ARFGEF2: variants seen among roughly 807,000 people sequenced by gnomAD.
The protein encoded by ARFGEF2 is brefeldin A-inhibited guanine nucleotide-exchange protein 2.
Under a neutral mutation model 219.9 loss-of-function variants are expected in ARFGEF2, and 74 were observed. That is an observed-to-expected ratio of 0.34 (90% CI 0.28 to 0.41). The LOEUF (loss-of-function observed/expected upper bound fraction) is 0.41, where lower values mean the gene tolerates loss of function less well. ARFGEF2 is among the 10% of genes least tolerant of loss of function. The probability of loss-of-function intolerance (pLI) is 1.00; values close to 1 mark genes in which losing one functional copy is unlikely to be tolerated. For missense variants in ARFGEF2, 1,743 were observed against 2,218.3 expected (o/e 0.79, Z 4.30); for synonymous variants, 733 against 799.2 (o/e 0.92, Z 1.40).
Position 49,010,373 on chromosome 20 carries a change from G to T in ARFGEF2, c.3726G>T (p.Glu1242Asp), listed in dbSNP as rs1396061818. 1 of 1,614,094 alleles carries T rather than the reference G, an allele frequency of 6.2e-7. No individual in the cohort carries two copies. Among genetic ancestry groups the T allele is most frequent in the Non-Finnish European group, 8.5e-7 (1 of 1,180,034 alleles). The change falls in exon 27 of 39, where the codon GAG (glutamate) becomes GAT (aspartate). Residue 1242 changes from glutamate (E) to aspartate (D), a missense_variant. By Grantham distance (45) the Glu-to-Asp change is conservative. Transcript: ENST00000371917. ...AASDHDGNIV[E>D]LAFQTTCHIV... ...CTGATCATGATGGGAACATTGTGGA[G>T]CTGGCCTTCCAGACCACTTGCCACA...
chr20:49,015,832 T>C (rs932483571), intron 30 of ARFGEF2, among the ~76,000 whole-genome samples: 5 of 152,248 alleles, frequency 3.3e-5, no homozygotes, highest in Non-Finnish European at 7.3e-5. Flanking sequence ...TCTCATAGGA[T>C]TGATCATTCT....
intron 6 of ARFGEF2, among the ~76,000 whole-genome samples, chr20:48,959,427 T>TCCATCCCTCCCTG (rs1568705249): frequency 7.9e-4 from 20 of 25,220 alleles, no homozygotes; most frequent in East Asian, 3.0e-3. Flanking sequence ...CTCCCTCCCT[T>TCCATCCCTCCCTG]CTTCCTTCCC....
chr20:48,972,888 C>G (rs893678311), intron 11 of ARFGEF2, among the ~76,000 whole-genome samples: 1 of 152,148 alleles, frequency 6.6e-6, no homozygotes, highest in Non-Finnish European at 1.5e-5. Context: ...CAATTGTTAA[C>G]CCCTTCCTTG....
At chr20:49,003,490 AGCTACTCAGGAGG>A (rs994909063) in intron 25 of ARFGEF2, among the ~76,000 whole-genome samples, 1 of 151,762 alleles carries the variant, frequency 6.6e-6, no homozygotes, top group Admixed American at 6.6e-5. Flanking sequence ...CTGTAATCCT[AGCTACTCAGGAGG>A]TTGAGGCAGG....
intron 26 of ARFGEF2, among the ~76,000 whole-genome samples, chr20:49,005,566 G>A (rs1253706456): frequency 6.6e-6 from 1 of 151,570 alleles, no homozygotes; most frequent in Non-Finnish European, 1.5e-5. Context: ...GTGAAACCCC[G>A]TCTTTACTAA....
At chr20:48,928,289 C>A (rs1319502036) in intron 1 of ARFGEF2, among the ~76,000 whole-genome samples, 7 of 143,410 alleles carry the variant, frequency 4.9e-5, no homozygotes, top group African/African-American at 1.8e-4. Flanking sequence ...AGCTCCGCCT[C>A]CCGGGTTCAC....
intron 7 of ARFGEF2, 111 bp from the exon 8 acceptor site, chr20:48,965,761 G>T: frequency 2.3e-6 from 3 of 1,327,286 alleles, no homozygotes; most frequent in South Asian, 2.4e-5. Flanking sequence ...ACAGGAAAAG[G>T]GGAAAAAGCA....
At chr20:48,959,941 A>G (rs2091135224) in intron 6 of ARFGEF2, among the ~76,000 whole-genome samples, 1 of 152,150 alleles carries the variant, frequency 6.6e-6, no homozygotes, top group Admixed American at 6.5e-5. Context: ...TTTAATATGC[A>G]TTCAGAAAAT....
chr20:49,019,400 A>G (rs1259252054), intron 34 of ARFGEF2, among the ~76,000 whole-genome samples: 2 of 152,242 alleles, frequency 1.3e-5, no homozygotes, highest in Admixed American at 1.3e-4. Context: ...ATTCAAAATC[A>G]GTACATAAGG....
chr20:49,026,034 C>A (rs1028339872), intron 36 of ARFGEF2, among the ~76,000 whole-genome samples: 20 of 149,604 alleles, frequency 1.3e-4, no homozygotes, highest in African/African-American at 4.9e-4. Flanking sequence ...ATTGATCTAG[C>A]AAGTCAAAAC....
Position 49,035,818 on chromosome 20 carries a change from A to G in ARFGEF2, c.*2619A>G, listed in dbSNP as rs1281026202. 2 of 198,276 alleles carry G rather than the reference A, an allele frequency of 1.0e-5. No individual in the cohort carries two copies. The highest frequency in any genetic ancestry group is 2.0e-5 in the Non-Finnish European group (2 of 98,778). 12.3% of individuals were successfully genotyped at this position (198,276 alleles called of 1,614,324 possible). A position where few individuals can be genotyped will look rare whatever the true frequency, so the allele number is the denominator to read the frequency against. ...TGTTAGGGAAATCACCAGCTTTGGCATCTTAACAACAAACAGTGGATGGGT... is the reference window on the plus strand; with the variant it reads ...TGTTAGGGAAATCACCAGCTTTGGCGTCTTAACAACAAACAGTGGATGGGT... On this transcript the variant is annotated 3_prime_UTR_variant, in exon 39 of 39. Transcript: ENST00000371917.
intron 25 of ARFGEF2, among the ~76,000 whole-genome samples, chr20:49,004,756 C>T (rs182804143): frequency 8.1e-4 from 123 of 152,244 alleles, no homozygotes; most frequent in African/African-American, 2.8e-3. Context: ...CACACCACTG[C>T]ACTCCAGTCT....
Position 49,018,966 on chromosome 20 carries a change from C to A in ARFGEF2, c.4592C>A (p.Thr1531Lys). 2 of 1,614,012 alleles carry A rather than the reference C, an allele frequency of 1.2e-6. No homozygotes were observed. Among genetic ancestry groups the A allele is most frequent in the Non-Finnish European group, 1.7e-6 (2 of 1,179,906 alleles). ...GGACAGAGCCAGCTCTCTAACCCAA[C>A]AGATGACAGCTGGAAGGGTAGACCA... is the stretch of plus-strand genomic sequence containing the variant. ...ERGQSQLSNP[T>K]DDSWKGRPYA... Residue 1531 changes from threonine (T) to lysine (K), a missense_variant, in exon 34 of 39, where the codon ACA becomes AAA. Around this residue, in one of 5 missense-constraint regions of ARFGEF2, gnomAD observed 578 missense variants for 664.0 expected, o/e 0.87. Coordinates refer to ENST00000371917, the MANE Select transcript of ARFGEF2 (RefSeq NM_006420.3).
Position 48,941,876 on chromosome 20 carries a change from T to G in ARFGEF2, c.165T>G (p.Ala55=). 4 of 1,614,238 alleles carry G rather than the reference T, an allele frequency of 2.5e-6. No homozygotes were observed. The highest frequency in any genetic ancestry group is 2.2e-5 in the East Asian group (1 of 44,884). Residue 55 remains alanine (A), a synonymous_variant, in exon 3 of 39, where the codon GCT becomes GCG. Transcript: ENST00000371917. ...GCTTTTCTCCTAGGCTTGGCACTGC[T>G]GCACCACCAAAGGCAAACTTCATTG... is the stretch of plus-strand genomic sequence containing the variant. ...AEIEKQRLGT[A]APPKANFIEA...
At chr20:49,023,313 A>G in intron 35 of ARFGEF2, 132 bp downstream of exon 35, 1 of 1,241,594 alleles carries the variant, frequency 8.1e-7, no homozygotes, top group Non-Finnish European at 1.1e-6. Context: ...CCTCACATTC[A>G]GTGATGGCAT....
chr20:49,027,995 C>G (rs2091613209), intron 36 of ARFGEF2, among the ~76,000 whole-genome samples: 1 of 152,058 alleles, frequency 6.6e-6, no homozygotes, highest in Admixed American at 6.6e-5. Context: ...GGTGCGGTGG[C>G]TCCCGTAATC....
Position 48,961,172 on chromosome 20 carries a change from AT to A in ARFGEF2, c.839-2650del, listed in dbSNP as rs201021256. 2.0e-5 allele frequency among the ~76,000 whole-genome samples: 3 copies of A among 150,946 alleles called. No homozygotes were observed. In the East Asian group the frequency reaches 5.8e-4, roughly 29 times the overall value. On this transcript the variant is annotated intron_variant, in intron 6 of 38. Transcript: ENST00000371917. ...CTGTAACATTTTTACCTTATAAACAATTTTTTTTAACTTTTTGGCTCTTGTA... is the reference window on the plus strand; with the variant it reads ...CTGTAACATTTTTACCTTATAAACAATTTTTTTAACTTTTTGGCTCTTGTA...
chr20:49,023,330 G>A, intron 35 of ARFGEF2, 149 bp downstream of exon 35: 1 of 1,114,438 alleles, frequency 9.0e-7, no homozygotes, highest in South Asian at 1.3e-5. Flanking sequence ...GCATGTTGAT[G>A]CTTAAAATTG....
chr20:49,023,790 G>A (rs1045524082), intron 35 of ARFGEF2, among the ~76,000 whole-genome samples: 2 of 151,832 alleles, frequency 1.3e-5, no homozygotes, highest in African/African-American at 2.4e-5. Context: ...CGCCCGCCTC[G>A]GCCTCCCAAA....
Sources: allele counts gnomAD v4.1 joint callset (sites outside exome capture counted in the v4.1 genomes callset), GRCh38; gene constraint gnomAD v4.1.1; regional missense constraint gnomAD v4.1.1; transcripts MANE v1.5; gene names NCBI Gene and HGNC (gene_info 2026-07-23, HGNC 2026-07-21).